The following QKI variants were observed in gnomAD, a reference collection of about 807,000 sequenced individuals.
QKI encodes the protein QKI, KH domain containing RNA binding.
A neutral mutation model predicts 39.0 loss-of-function variants in QKI; 10 were observed. That is an observed-to-expected ratio of 0.26 (90% CI 0.16 to 0.43). QKI has a LOEUF of 0.43. QKI is among the 20% of genes least tolerant of loss of function. The probability of loss-of-function intolerance (pLI) is 1.00; values close to 1 mark genes in which losing one functional copy is unlikely to be tolerated. For missense variants in QKI, 218 were observed against 428.0 expected (o/e 0.51, Z 4.33); for synonymous variants, 204 against 155.4 (o/e 1.31, Z -2.33).
At chr6:163,444,295 C>T (rs1246965683) in intron 1 of QKI, among the ~76,000 whole-genome samples, 1 of 152,180 alleles carries the variant, frequency 6.6e-6, no homozygotes, top group East Asian at 1.9e-4. Flanking sequence ...CTAATGTGCT[C>T]ATTTCGCAGA....
intron 3 of QKI, among the ~76,000 whole-genome samples, chr6:163,493,425 A>G (rs1614795): frequency 0.79 from 119,765 of 152,184 alleles, 47,289 homozygotes; most frequent in East Asian, 1. Flanking sequence ...CACCGTGCCC[A>G]GCCTACAATA....
At chr6:163,455,547 G>A in intron 2 of QKI, 126 bp downstream of exon 2, 1 of 968,736 alleles carries the variant, frequency 1.0e-6, no homozygotes, top group Non-Finnish European at 1.5e-6. Context: ...CAACTGAAGT[G>A]TGAATAATTT....
At chr6:163,491,134 G>T (rs910259654) in intron 3 of QKI, among the ~76,000 whole-genome samples, 1 of 152,106 alleles carries the variant, frequency 6.6e-6, no homozygotes, top group African/African-American at 2.4e-5. Context: ...ATCCTTTTCA[G>T]TGCTTTTCAA....
chr6:163,437,119 C>T (rs1254554025), intron 1 of QKI, among the ~76,000 whole-genome samples: 3 of 152,106 alleles, frequency 2.0e-5, no homozygotes, highest in Non-Finnish European at 4.4e-5. Context: ...GAGGTAAAGC[C>T]TTTGTGAGAG....
intron 3 of QKI, among the ~76,000 whole-genome samples, chr6:163,521,859 A>C (rs1321606140): frequency 6.6e-6 from 1 of 151,920 alleles, no homozygotes; most frequent in Non-Finnish European, 1.5e-5. Context: ...ATTAATTGCT[A>C]ATTTATTTTT....
intron 1 of QKI, among the ~76,000 whole-genome samples, chr6:163,439,361 G>T (rs1231617972): frequency 1.4e-5 from 2 of 147,572 alleles, no homozygotes; most frequent in South Asian, 4.3e-4. Context: ...TTTTCGGGGG[G>T]GTGGGGGACG....
chr6:163,506,027 T>C (rs1448793407), intron 3 of QKI, among the ~76,000 whole-genome samples: 1 of 152,122 alleles, frequency 6.6e-6, no homozygotes, highest in East Asian at 1.9e-4. Context: ...TCATGAGATC[T>C]GGTGGTTTAA....
intron 4 of QKI, among the ~76,000 whole-genome samples, chr6:163,540,963 G>C (rs1781467269): frequency 6.6e-6 from 1 of 151,200 alleles, no homozygotes; most frequent in South Asian, 2.1e-4. Context: ...TGGTTTTGTT[G>C]ATTTTTCTCA....
chr6:163,537,067 G>T (rs939602866), intron 4 of QKI, among the ~76,000 whole-genome samples: 1 of 152,134 alleles, frequency 6.6e-6, no homozygotes, highest in African/African-American at 2.4e-5. Context: ...AAGTAGCTGG[G>T]CCTGGTGGCA....
intron 3 of QKI, among the ~76,000 whole-genome samples, chr6:163,493,034 G>A (rs569027149): frequency 4.2e-4 from 64 of 151,932 alleles, no homozygotes; most frequent in African/African-American, 1.5e-3. Flanking sequence ...CCCATTTAGC[G>A]CCGTTACTTA....
chr6:163,421,979 A>G (rs1038730274), intron 1 of QKI, among the ~76,000 whole-genome samples: 6 of 151,680 alleles, frequency 4.0e-5, no homozygotes, highest in Non-Finnish European at 8.8e-5. Flanking sequence ...TCTTGACCCC[A>G]TGATCTGACC....
At position 163,570,791 on chromosome 6, in the gene QKI, G is replaced by T; in HGVS notation, c.*81G>T. 1.3e-6 allele frequency: 2 copies of T among 1,550,354 alleles called. No homozygotes were observed. The highest frequency in any genetic ancestry group is 1.2e-5 in the South Asian group (1 of 81,876). On this transcript the variant is annotated 3_prime_UTR_variant, in exon 8 of 8. Coordinates refer to ENST00000361752, the MANE Select transcript of QKI (RefSeq NM_006775.3). ...CCTGCTGATCAGTTAACTGGTAATC[G>T]CCTTTGCTTGCCTGTCGTCAGTGCA...
Position 163,489,157 on chromosome 6 carries a change from G to GTT in QKI, c.402+10274_402+10275dup, listed in dbSNP as rs368383400. On this transcript the variant is annotated intron_variant, in intron 3 of 7. Transcript: ENST00000361752. ...AGTGTATAAAGAATAGCCTTTATTC[G>GTT]TTTTTTTTTTTTTTGCCGTTACAAA... Among the ~76,000 whole-genome samples, 151 of 119,424 alleles carry GTT rather than the reference G, an allele frequency of 1.3e-3. 1 individual carries two copies. Among genetic ancestry groups the GTT allele is most frequent in the African/African-American group, 4.2e-3 (138 of 32,866 alleles). 78.3% of individuals were successfully genotyped at this position (119,424 alleles called of 152,430 possible).
At chr6:163,465,065 A>G (rs144100012) in intron 2 of QKI, among the ~76,000 whole-genome samples, 11 of 152,368 alleles carry the variant, frequency 7.2e-5, no homozygotes, top group African/African-American at 1.7e-4. Context: ...CCAAATTAAC[A>G]GAATGAAAAA....
intron 4 of QKI, among the ~76,000 whole-genome samples, chr6:163,553,909 C>G (rs1583211938): frequency 6.6e-6 from 1 of 152,090 alleles, no homozygotes; most frequent in Non-Finnish European, 1.5e-5. Flanking sequence ...TGACACTTTC[C>G]CTCTACCTTG....
chr6:163,454,362 G>A (rs1030443630), intron 1 of QKI, among the ~76,000 whole-genome samples: 1 of 152,084 alleles, frequency 6.6e-6, no homozygotes, highest in African/African-American at 2.4e-5. Context: ...TTAAAAACAG[G>A]TCATTGATTT....
intron 3 of QKI, among the ~76,000 whole-genome samples, chr6:163,479,179 C>T (rs941726545): frequency 2.0e-5 from 3 of 150,918 alleles, no homozygotes; most frequent in African/African-American, 7.3e-5. Context: ...ATCCCAGCTA[C>T]TCAGGAGGCT....
intron 3 of QKI, among the ~76,000 whole-genome samples, chr6:163,501,970 T>C (rs1003109478): frequency 1.3e-5 from 2 of 152,218 alleles, no homozygotes; most frequent in African/African-American, 4.8e-5. Flanking sequence ...GTGTCCTGTA[T>C]GCTTTCATAG....
intron 3 of QKI, among the ~76,000 whole-genome samples, chr6:163,517,502 C>T (rs1304077538): frequency 6.6e-6 from 1 of 151,480 alleles, no homozygotes; most frequent in Non-Finnish European, 1.5e-5. Flanking sequence ...ATTGAAACCT[C>T]CGTCTCCCAG....
Sources: gnomAD v4.1 joint callset for allele counts (sites outside exome capture counted in the v4.1 genomes callset) on GRCh38, gnomAD v4.1.1 for gene constraint, MANE v1.5 for transcripts, NCBI Gene and HGNC (gene_info 2026-07-23, HGNC 2026-07-21) for gene names.